Variants in TARS3 observed in about 807,000 individuals in gnomAD.
The protein encoded by TARS3 is threonine--tRNA ligase 2, cytoplasmic.
A neutral mutation model predicts 103.5 loss-of-function variants in TARS3; 94 were observed. The observed-to-expected ratio is 0.91, with a 90% CI of 0.77 to 1.08. The LOEUF is 1.08. Among genes scored for constraint, TARS3 ranks in the 50% least tolerant of loss-of-function variants. The pLI, the probability that TARS3 is intolerant of heterozygous loss-of-function variation, is 0.00. For synonymous variants in TARS3, 416 were observed against 355.4 expected, an observed-to-expected ratio of 1.17 and a Z score of -1.92; for missense variants, 952 against 995.2, an observed-to-expected ratio of 0.96 and a Z score of 0.58.
intron 4 of TARS3, among the ~76,000 whole-genome samples, chr15:101,712,555 T>A (rs1261752357): frequency 6.6e-6 from 1 of 152,170 alleles, no homozygotes; most frequent in Non-Finnish European, 1.5e-5. Flanking sequence ...GAAAAAAGTG[T>A]TGCCAGGGAA....
chr15:101,718,732 C>T (rs947838463), intron 3 of TARS3, among the ~76,000 whole-genome samples: 2 of 152,244 alleles, frequency 1.3e-5, no homozygotes, highest in Admixed American at 6.5e-5. Context: ...AATAAAAAAG[C>T]CATGCAACAA....
At chr15:101,711,529 T>A (rs1899866731) in intron 5 of TARS3, among the ~76,000 whole-genome samples, 2 of 152,214 alleles carry the variant, frequency 1.3e-5, no homozygotes, top group African/African-American at 4.8e-5. Context: ...TTTATAATGA[T>A]CCACTTCCAC....
chr15:101,676,175 G>T (rs565536930), intron 12 of TARS3, among the ~76,000 whole-genome samples: 1 of 152,356 alleles, frequency 6.6e-6, no homozygotes, highest in African/African-American at 2.4e-5. Context: ...CAGTGTGGTA[G>T]GTGGGCAGGG....
At chr15:101,663,545 ATATT>A (rs1458606436) in intron 15 of TARS3, among the ~76,000 whole-genome samples, 1 of 152,326 alleles carries the variant, frequency 6.6e-6, no homozygotes, top group East Asian at 1.9e-4. Flanking sequence ...ATGCATGACT[ATATT>A]TATATTTATT....
intron 1 of TARS3, 72 bp from the exon 2 acceptor site, chr15:101,723,236 C>T (rs1310679327): frequency 7.7e-6 from 11 of 1,420,468 alleles, no homozygotes; most frequent in Non-Finnish European, 1.1e-5. Context: ...GAGAGTCATG[C>T]CAGCAGGCTG....
At chr15:101,673,048 C>T (rs1226067940) in intron 13 of TARS3, among the ~76,000 whole-genome samples, 1 of 152,182 alleles carries the variant, frequency 6.6e-6, no homozygotes, top group Non-Finnish European at 1.5e-5. Context: ...GAGAGAGCAT[C>T]GGATACATGA....
chr15:101,717,607 A>C (rs1900220253), intron 3 of TARS3, among the ~76,000 whole-genome samples: 1 of 152,154 alleles, frequency 6.6e-6, no homozygotes, highest in African/African-American at 2.4e-5. Flanking sequence ...AGTGGAGGGC[A>C]CTTCTCCAAC....
At chr15:101,654,875 G>T in intron 18 of TARS3, 145 bp from the exon 19 acceptor site, 1 of 793,924 alleles carries the variant, frequency 1.3e-6, no homozygotes, top group Non-Finnish European at 2.0e-6. Flanking sequence ...TCCTCTGATA[G>T]TTAAGTTTCT....
intron 18 of TARS3, among the ~76,000 whole-genome samples, chr15:101,655,415 G>A (rs1165272701): frequency 3.5e-5 from 5 of 141,510 alleles, no homozygotes; most frequent in African/African-American, 1.1e-4. Context: ...GCACTAGGGC[G>A]CAAATGAGAG....
intron 12 of TARS3, among the ~76,000 whole-genome samples, chr15:101,682,472 C>T (rs1332318438): frequency 6.6e-6 from 1 of 151,938 alleles, no homozygotes; most frequent in Non-Finnish European, 1.5e-5. Flanking sequence ...GTTAAACTAC[C>T]TTTTCATTCC....
At chr15:101,704,462 C>T (rs554207378) in intron 7 of TARS3, among the ~76,000 whole-genome samples, 17 of 152,024 alleles carry the variant, frequency 1.1e-4, no homozygotes, top group Admixed American at 5.9e-4. Flanking sequence ...AGACCAGCCT[C>T]GCCAACATAG....
At chr15:101,690,857 TTAG>T (rs1443186529) in intron 10 of TARS3, among the ~76,000 whole-genome samples, 1 of 152,202 alleles carries the variant, frequency 6.6e-6, no homozygotes, top group Non-Finnish European at 1.5e-5. Flanking sequence ...TGTTACCAGA[TTAG>T]TAGCAATTTA....
chr15:101,672,180 C>A (rs1411653738), intron 13 of TARS3, among the ~76,000 whole-genome samples: 2 of 152,130 alleles, frequency 1.3e-5, no homozygotes, highest in African/African-American at 2.4e-5. Flanking sequence ...GCCAAGAGGG[C>A]AGGCCTTACT....
At chr15:101,667,064 C>T (rs1897607909) in intron 15 of TARS3, among the ~76,000 whole-genome samples, 1 of 152,118 alleles carries the variant, frequency 6.6e-6, no homozygotes, top group Non-Finnish European at 1.5e-5. Context: ...TGTACGTCTC[C>T]ATCAGAGCTC....
intron 10 of TARS3, among the ~76,000 whole-genome samples, chr15:101,690,976 T>C (rs1258436646): frequency 1.3e-5 from 2 of 152,182 alleles, no homozygotes; most frequent in East Asian, 3.9e-4. Flanking sequence ...TCTCGCTCTG[T>C]CACACAGGCT....
chr15:101,694,413 T>A (rs1049604577), intron 10 of TARS3, among the ~76,000 whole-genome samples: 1 of 152,230 alleles, frequency 6.6e-6, no homozygotes, highest in African/African-American at 2.4e-5. Flanking sequence ...TGGCTACTAC[T>A]GACTGGTCTA....
At chr15:101,676,128 C>T (rs894174654) in intron 12 of TARS3, among the ~76,000 whole-genome samples, 11 of 152,128 alleles carry the variant, frequency 7.2e-5, no homozygotes, top group African/African-American at 2.4e-4. Flanking sequence ...CAGACTAAGT[C>T]GGGGGGCTGC....
intron 6 of TARS3, among the ~76,000 whole-genome samples, chr15:101,708,285 A>AC (rs1899680578): frequency 9.5e-6 from 1 of 104,992 alleles, no homozygotes; most frequent in African/African-American, 3.5e-5. Flanking sequence ...AAAAAAAAAA[A>AC]CCCAAAAAAT....
chr15:101,692,752 T>C (rs1027694387), intron 10 of TARS3, among the ~76,000 whole-genome samples: 9 of 152,218 alleles, frequency 5.9e-5, no homozygotes, highest in Non-Finnish European at 1.2e-4. Flanking sequence ...TATCATCCCT[T>C]GTTAGTTACC....
Sources: gnomAD v4.1 joint callset for allele counts (sites outside exome capture counted in the v4.1 genomes callset) on GRCh38, gnomAD v4.1.1 for gene constraint, MANE v1.5 for transcripts, NCBI Gene and HGNC (gene_info 2026-07-23, HGNC 2026-07-21) for gene names.